TMEM117: variants seen among roughly 807,000 people sequenced by gnomAD.
The protein encoded by TMEM117 is transmembrane protein 117.
Under a neutral mutation model 52.4 loss-of-function variants are expected in TMEM117, and 27 were observed. That is an observed-to-expected ratio of 0.51 (90% CI 0.38 to 0.71). The LOEUF is 0.71. Among genes scored for constraint, TMEM117 ranks in the 30% least tolerant of loss-of-function variants. TMEM117 has a pLI of 0.00. For missense variants in TMEM117, 556 were observed against 630.5 expected (o/e 0.88, Z 1.26); for synonymous variants, 215 against 206.3 (o/e 1.04, Z -0.36).
At chr12:44,255,057 G>A (rs1473902321) in intron 5 of TMEM117, among the ~76,000 whole-genome samples, 8 of 151,890 alleles carry the variant, frequency 5.3e-5, no homozygotes, top group African/African-American at 1.5e-4. Context: ...CCAGTCTATC[G>A]TTGTTGGACA....
chr12:44,185,309 T>A (rs906406477), intron 4 of TMEM117, among the ~76,000 whole-genome samples: 1 of 152,202 alleles, frequency 6.6e-6, no homozygotes, highest in African/African-American at 2.4e-5. Context: ...GGTCATAAGC[T>A]GAATCAAAAT....
At chr12:44,291,689 G>A (rs1263107597) in intron 5 of TMEM117, among the ~76,000 whole-genome samples, 1 of 151,800 alleles carries the variant, frequency 6.6e-6, no homozygotes, top group Non-Finnish European at 1.5e-5. Flanking sequence ...TATTAGTTGA[G>A]AGTTTTTATC....
rs114706367 is a variant in TMEM117, at chr12:43,885,757, T to C, written c.277+40829T>C. On this transcript the variant is annotated intron_variant, in intron 2 of 7. Coordinates refer to ENST00000266534, the MANE Select transcript of TMEM117 (RefSeq NM_032256.3). ...CACCATAATATGGTAGAAGCAGTAA[T>C]ACAGATATGCACAGGAAGCTCTCAG... Among the ~76,000 whole-genome samples the C allele has an allele frequency of 7.6e-3, 1,157 of 152,210 alleles. 12 individuals are homozygous for C. Among genetic ancestry groups the C allele is most frequent in the African/African-American group, 0.025 (1,053 of 41,524 alleles).
chr12:44,166,757 C>T (rs935709110), intron 4 of TMEM117, among the ~76,000 whole-genome samples: 2 of 152,134 alleles, frequency 1.3e-5, no homozygotes, highest in Non-Finnish European at 2.9e-5. Context: ...AAATCTTCTT[C>T]CTCTGTGAAT....
At chr12:43,865,938 T>G (rs1272087297) in intron 2 of TMEM117, among the ~76,000 whole-genome samples, 1 of 151,770 alleles carries the variant, frequency 6.6e-6, no homozygotes, top group Admixed American at 6.6e-5. Flanking sequence ...CAGTTTAAAA[T>G]TAAAGTTTAT....
chr12:43,829,592 GT>G, the TMEM117 span, among the ~76,000 whole-genome samples: 1 of 152,164 alleles, frequency 6.6e-6, no homozygotes, highest in Non-Finnish European at 1.5e-5. Flanking sequence ...AAGAAAAAAA[GT>G]TTTGAAGAAA....
At chr12:43,921,451 T>G (rs917015617) in intron 2 of TMEM117, among the ~76,000 whole-genome samples, 1 of 152,214 alleles carries the variant, frequency 6.6e-6, no homozygotes, top group Non-Finnish European at 1.5e-5. Context: ...GCTAGCTGTA[T>G]GACCTTAGAG....
intron 3 of TMEM117, among the ~76,000 whole-genome samples, chr12:44,128,030 G>C (rs1948354927): frequency 6.6e-6 from 1 of 152,174 alleles, no homozygotes; most frequent in Non-Finnish European, 1.5e-5. Context: ...AATAATATTA[G>C]GTAGATGTTG....
At chr12:44,384,544 A>C (rs940399905) in intron 7 of TMEM117, among the ~76,000 whole-genome samples, 3 of 152,176 alleles carry the variant, frequency 2.0e-5, no homozygotes, top group African/African-American at 7.2e-5. Flanking sequence ...AGCAGTAGAC[A>C]AACTACTAAT....
intron 3 of TMEM117, among the ~76,000 whole-genome samples, chr12:44,056,282 A>G (rs73089764): frequency 6.6e-6 from 1 of 152,024 alleles, no homozygotes; most frequent in Non-Finnish European, 1.5e-5. Context: ...TATATTAACA[A>G]ATTGCTTTTT....
intron 5 of TMEM117, among the ~76,000 whole-genome samples, chr12:44,259,920 C>T (rs1385536423): frequency 6.6e-6 from 1 of 152,084 alleles, no homozygotes; most frequent in Non-Finnish European, 1.5e-5. Context: ...TAGTTAAGAA[C>T]CAATCGTTTC....
intron 5 of TMEM117, among the ~76,000 whole-genome samples, chr12:44,222,589 C>T (rs1429653176): frequency 6.6e-6 from 1 of 152,106 alleles, no homozygotes; most frequent in Non-Finnish European, 1.5e-5. Flanking sequence ...GGAATAAGAT[C>T]CTTGCTGTCT....
the TMEM117 span, chr12:43,798,472 TA>T: frequency 7.8e-7 from 1 of 1,279,546 alleles, no homozygotes; most frequent in East Asian, 2.7e-5. Context: ...GAAAGTCCAA[TA>T]GAAATTTTAC....
chr12:43,843,370 A>G (rs1157868064), intron 1 of TMEM117, among the ~76,000 whole-genome samples: 6 of 152,354 alleles, frequency 3.9e-5, no homozygotes. Flanking sequence ...TTAGATAGAC[A>G]TAATCATCCA....
At chr12:44,149,439 A>T (rs1948690619) in intron 4 of TMEM117, among the ~76,000 whole-genome samples, 1 of 152,244 alleles carries the variant, frequency 6.6e-6, no homozygotes, top group African/African-American at 2.4e-5. Context: ...GTGTTTGAGC[A>T]TAAAGTATTC....
intron 3 of TMEM117, among the ~76,000 whole-genome samples, chr12:44,036,098 T>A (rs1391231008): frequency 1.3e-5 from 2 of 152,182 alleles, no homozygotes; most frequent in East Asian, 3.8e-4. Flanking sequence ...AGTTTCTAGA[T>A]CACAGAGATC....
chr12:44,172,756 G>C (rs541682479), intron 4 of TMEM117, among the ~76,000 whole-genome samples: 1 of 152,004 alleles, frequency 6.6e-6, no homozygotes, highest in Non-Finnish European at 1.5e-5. Flanking sequence ...ACTGAGTTTC[G>C]CTGTGTCACC....
chr12:44,180,514 C>A (rs1209507078), intron 4 of TMEM117, among the ~76,000 whole-genome samples: 1 of 120,864 alleles, frequency 8.3e-6, no homozygotes, highest in Non-Finnish European at 1.7e-5. Context: ...TCCCCCCACC[C>A]CACAACAGTC....
intron 2 of TMEM117, among the ~76,000 whole-genome samples, chr12:43,870,330 G>T (rs1273022410): frequency 6.6e-6 from 1 of 151,500 alleles, no homozygotes; most frequent in Non-Finnish European, 1.5e-5. Flanking sequence ...TGTGATCTCG[G>T]CTAACTGCAA....
Sources: allele counts gnomAD v4.1 joint callset (sites outside exome capture counted in the v4.1 genomes callset), GRCh38; gene constraint gnomAD v4.1.1; transcripts MANE v1.5; gene names NCBI Gene and HGNC (gene_info 2026-07-23, HGNC 2026-07-21).